The following LUZP2 variants were observed in gnomAD, a reference collection of about 807,000 sequenced individuals.
The protein encoded by LUZP2 is leucine zipper protein 2.
Under a neutral mutation model 51.6 loss-of-function variants are expected in LUZP2, and 52 were observed. The observed-to-expected ratio is 1.01, with a 90% confidence interval of 0.81 to 1.27. The LOEUF (loss-of-function observed/expected upper bound fraction) is 1.27, where lower values mean the gene tolerates loss of function less well. LUZP2 is among the 50% of genes most tolerant of loss of function. The probability of loss-of-function intolerance (pLI) is 0.00; values close to 1 mark genes in which losing one functional copy is unlikely to be tolerated. For synonymous variants in LUZP2, 154 were observed against 137.3 expected, an observed-to-expected ratio of 1.12 and a Z score of -0.85; for missense variants, 436 against 395.4, an observed-to-expected ratio of 1.10 and a Z score of -0.87.
chr11:24,703,652 G>C (rs929637097), intron 1 of LUZP2, among the ~76,000 whole-genome samples: 1 of 148,890 alleles, frequency 6.7e-6, no homozygotes, highest in African/African-American at 2.5e-5. Context: ...GTGACACTCT[G>C]TCTTTACTAA....
chr11:24,509,478 T>A (rs1295012190), intron 1 of LUZP2, among the ~76,000 whole-genome samples: 1 of 148,956 alleles, frequency 6.7e-6, no homozygotes, highest in Non-Finnish European at 1.5e-5. Flanking sequence ...ATAGTATATA[T>A]CATGTAGTAT....
At chr11:24,860,115 G>T (rs1399381230) in intron 5 of LUZP2, among the ~76,000 whole-genome samples, 6 of 152,190 alleles carry the variant, frequency 3.9e-5, no homozygotes, top group Admixed American at 3.9e-4. Context: ...TGGAGCCAGG[G>T]AGGCATAAAG....
At chr11:24,521,454 G>A (rs1010380384) in intron 1 of LUZP2, among the ~76,000 whole-genome samples, 1 of 151,630 alleles carries the variant, frequency 6.6e-6, no homozygotes, top group African/African-American at 2.4e-5. Flanking sequence ...AAAAGAAGCA[G>A]GACTCAGTCC....
At chr11:24,561,774 A>T (rs1852047978) in intron 1 of LUZP2, among the ~76,000 whole-genome samples, 1 of 150,694 alleles carries the variant, frequency 6.6e-6, no homozygotes, top group Non-Finnish European at 1.5e-5. Flanking sequence ...ATACCTATGT[A>T]ACAAACCAGC....
chr11:25,074,875 GAGA>G (rs1328929139), intron 10 of LUZP2, among the ~76,000 whole-genome samples: 6 of 152,156 alleles, frequency 3.9e-5, no homozygotes, highest in African/African-American at 1.2e-4. Flanking sequence ...TAAGATTTCT[GAGA>G]AGAACTACAA....
intron 1 of LUZP2, among the ~76,000 whole-genome samples, chr11:24,503,716 G>C (rs1208858430): frequency 6.6e-6 from 1 of 152,142 alleles, no homozygotes; most frequent in African/African-American, 2.4e-5. Context: ...AGGTCGTAAA[G>C]GGAAACAAAC....
At chr11:24,805,715 A>G (rs1471999896) in intron 5 of LUZP2, among the ~76,000 whole-genome samples, 4 of 152,114 alleles carry the variant, frequency 2.6e-5, no homozygotes, top group African/African-American at 9.7e-5. Flanking sequence ...CGTTTTCTCA[A>G]CTGTTTGTTT....
rs376325878 is a variant in LUZP2, at chr11:24,931,186, G to A, written c.522+16648G>A. On this transcript the variant is annotated intron_variant, in intron 7 of 11. Coordinates refer to ENST00000336930, the MANE Select transcript of LUZP2 (RefSeq NM_001009909.4). ...AGATCACGCCACTGCACTCCAGTCT[G>A]ATGACAGAGTGAGACTCTGTCTCAA... 2.0e-5 allele frequency among the ~76,000 whole-genome samples: 3 copies of A among 150,908 alleles called. No individual in the cohort carries two copies. The East Asian group carries it at 5.9e-4, about 29-fold the overall frequency.
intron 5 of LUZP2, among the ~76,000 whole-genome samples, chr11:24,902,571 G>A (rs76416235): frequency 6.6e-6 from 1 of 152,100 alleles, no homozygotes; most frequent in Non-Finnish European, 1.5e-5. Context: ...AGCACTGCTT[G>A]CTACTCTATA....
intron 4 of LUZP2, among the ~76,000 whole-genome samples, chr11:24,742,444 G>A: frequency 6.6e-6 from 1 of 151,958 alleles, no homozygotes; most frequent in Non-Finnish European, 1.5e-5. Flanking sequence ...GCATTTCCCT[G>A]ATCATTAATG....
At chr11:25,028,915 A>T (rs1040707489) in intron 9 of LUZP2, among the ~76,000 whole-genome samples, 1 of 152,176 alleles carries the variant, frequency 6.6e-6, no homozygotes, top group African/African-American at 2.4e-5. Flanking sequence ...ATTAGGCAAA[A>T]GGCAAAAGCT....
At chr11:24,642,624 G>A (rs1855328445) in intron 1 of LUZP2, among the ~76,000 whole-genome samples, 1 of 151,808 alleles carries the variant, frequency 6.6e-6, no homozygotes, top group Non-Finnish European at 1.5e-5. Context: ...TTGACACAGT[G>A]GGGAGTGTCA....
intron 5 of LUZP2, among the ~76,000 whole-genome samples, chr11:24,866,052 G>A (rs898798784): frequency 5.3e-5 from 8 of 150,630 alleles, no homozygotes; most frequent in Non-Finnish European, 4.4e-5. Context: ...CGAGTGATCC[G>A]TTCACCTCAG....
chr11:24,533,449 T>C (rs868701487), intron 1 of LUZP2, among the ~76,000 whole-genome samples: 5 of 151,518 alleles, frequency 3.3e-5, no homozygotes, highest in Middle Eastern at 3.4e-3. Flanking sequence ...GGTTGTCTTT[T>C]CCTTGGTTTC....
chr11:25,023,226 C>G (rs562423276), intron 9 of LUZP2, among the ~76,000 whole-genome samples: 2 of 152,198 alleles, frequency 1.3e-5, no homozygotes, highest in South Asian at 2.1e-4. Flanking sequence ...AGGAATGGTA[C>G]CAGCTCCTCT....
chr11:24,751,032 A>G (rs1421734481), intron 4 of LUZP2, among the ~76,000 whole-genome samples: 1 of 152,158 alleles, frequency 6.6e-6, no homozygotes, highest in East Asian at 1.9e-4. Context: ...ATACTTATTA[A>G]TCCTCATTAA....
chr11:24,820,042 T>C (rs146586280), intron 5 of LUZP2, among the ~76,000 whole-genome samples: 675 of 152,260 alleles, frequency 4.4e-3, no homozygotes, highest in Non-Finnish European at 7.5e-3. Flanking sequence ...CTTTGACATT[T>C]ACTGAGCGAT....
chr11:24,825,945 G>A (rs1850511417), intron 5 of LUZP2, among the ~76,000 whole-genome samples: 1 of 151,674 alleles, frequency 6.6e-6, no homozygotes, highest in Non-Finnish European at 1.5e-5. Context: ...CAGAACTTTG[G>A]GAGGCCGAGG....
chr11:24,521,767 C>G (rs1269253358), intron 1 of LUZP2, among the ~76,000 whole-genome samples: 1 of 152,024 alleles, frequency 6.6e-6, no homozygotes, highest in African/African-American at 2.4e-5. Context: ...TTTTTCCATT[C>G]AGATTTCCTG....
Sources: gnomAD v4.1 joint callset for allele counts (sites outside exome capture counted in the v4.1 genomes callset) on GRCh38, gnomAD v4.1.1 for gene constraint, MANE v1.5 for transcripts, NCBI Gene and HGNC (gene_info 2026-07-23, HGNC 2026-07-21) for gene names.